The following TMEM165 variants were observed in gnomAD, a reference collection of about 807,000 sequenced individuals.
The protein encoded by TMEM165 is transmembrane protein 165.
Under a neutral mutation model 30.0 loss-of-function variants are expected in TMEM165, and 19 were observed. That is an observed-to-expected ratio of 0.63 (90% CI 0.44 to 0.93). The LOEUF (loss-of-function observed/expected upper bound fraction) is 0.93, where lower values mean the gene tolerates loss of function less well. Among genes scored for constraint, TMEM165 ranks in the 40% least tolerant of loss-of-function variants. The pLI is 0.00. For missense variants in TMEM165, 340 were observed against 417.0 expected (o/e 0.82, Z 1.61); for synonymous variants, 168 against 162.9 (o/e 1.03, Z -0.24).
At position 55,444,656 on chromosome 4, in the gene TMEM165, T is replaced by C. The variant is rs1723644360; in HGVS notation, c.409-7583T>C. ...ACCTGCAGCCCCTGACCATGGACCA[T>C]CTGAAGTTGTTCTTGAATTTTTCTT... On this transcript the variant is annotated intron_variant, in intron 3 of 3. Coordinates refer to the TMEM165 transcript ENST00000608091. 5.6e-6 allele frequency: 9 copies of C among 1,614,108 alleles called. No individual in the cohort carries two copies. In the East Asian group the frequency reaches 1.3e-4, roughly 24 times the overall value.
chr4:55,417,914 C>G lies in TMEM165; in HGVS notation c.721C>G (p.Leu241Val). ...HFISPIFVQA[L>V]TLTFLAEWGD... is the part of the protein sequence containing the mutation. ...TATTTCACCCATTTTTGTTCAAGCT[C>G]TTACATTAACATTCTTAGCAGAATG... Residue 241 changes from leucine to valine, a missense_variant, in exon 4 of 6, where the codon CTT becomes GTT. Physicochemically the swap from Leu to Val is conservative, Grantham distance 32. Transcript: ENST00000381334. 6.2e-7 allele frequency: 1 copy of G among 1,614,060 alleles called. No individual in the cohort carries two copies. The highest frequency in any genetic ancestry group is 8.5e-7 in the Non-Finnish European group (1 of 1,180,012).
At chr4:55,404,017 C>T (rs1721164527) in intron 1 of TMEM165, among the ~76,000 whole-genome samples, 3 of 141,246 alleles carry the variant, frequency 2.1e-5, no homozygotes, top group Non-Finnish European at 3.1e-5. Context: ...GTTTTCTTTC[C>T]TTCCTTCCTT....
intron 3 of TMEM165, among the ~76,000 whole-genome samples, chr4:55,448,588 G>GCACGCA (rs776897100): frequency 1.2e-5 from 1 of 80,084 alleles, no homozygotes; most frequent in African/African-American, 3.8e-5. Context: ...ATATGTGCGC[G>GCACGCA]CGCGCACGCG....
At chr4:55,443,037 T>TC (rs1345789505) in intron 3 of TMEM165, among the ~76,000 whole-genome samples, 1 of 152,054 alleles carries the variant, frequency 6.6e-6, no homozygotes. Flanking sequence ...TTATGCCCCC[T>TC]CCCCCAACAG....
At chr4:55,450,718 G>A (rs1460487358) in intron 3 of TMEM165, among the ~76,000 whole-genome samples, 2 of 151,744 alleles carry the variant, frequency 1.3e-5, no homozygotes, top group African/African-American at 2.4e-5. Context: ...GTAGTGAGCC[G>A]AGATCCTGCC....
chr4:55,429,907 G>A (rs1319471412), downstream of TMEM165: 1 of 152,180 alleles, frequency 6.6e-6, no homozygotes, highest in African/African-American at 2.4e-5. Flanking sequence ...AAGTAAAGTA[G>A]ATTCAGACTG....
intron 1 of TMEM165, among the ~76,000 whole-genome samples, chr4:55,405,898 C>A (rs1721250543): frequency 6.6e-6 from 1 of 152,228 alleles, no homozygotes; most frequent in African/African-American, 2.4e-5. Flanking sequence ...GTTTATCTTT[C>A]TCATCTTGCC....
chr4:55,396,141 C>T lies in TMEM165; in HGVS notation c.-49C>T. On this transcript the variant is annotated 5_prime_UTR_variant, in exon 1 of 6. Transcript: ENST00000381334. The stretch of plus-strand genomic sequence containing the variant: ...TGTTCGGGGTCGAGGCTTCCCGTCG[C>T]CGGCACTTCCTCTTGCGGCGCCCGT... The T allele has an allele frequency of 1.5e-6, 2 of 1,318,648 alleles. No homozygotes were observed. The highest frequency in any genetic ancestry group is 1.9e-6 in the Non-Finnish European group (2 of 1,044,106). 81.7% of individuals were successfully genotyped at this position (1,318,648 alleles called of 1,614,324 possible). A position where few individuals can be genotyped will look rare whatever the true frequency, so the allele number is the denominator to read the frequency against.
chr4:55,399,718 T>C (rs1486681918), intron 1 of TMEM165, among the ~76,000 whole-genome samples: 1 of 152,112 alleles, frequency 6.6e-6, no homozygotes, highest in Non-Finnish European at 1.5e-5. Flanking sequence ...TTCTTGTCTT[T>C]TAAAGTTTTA....
exon 4 of TMEM165, chr4:55,452,920 A>G: frequency 1.5e-6 from 1 of 657,570 alleles, no homozygotes; most frequent in Non-Finnish European, 2.6e-6. Flanking sequence ...AATAAGTAGT[A>G]AAGTATAATC....
chr4:55,408,136 A>G (rs1051166418), intron 1 of TMEM165, among the ~76,000 whole-genome samples: 16 of 152,234 alleles, frequency 1.1e-4, no homozygotes, highest in Non-Finnish European at 2.2e-4. Context: ...TTTTAATTAA[A>G]AAAGATCTTC....
exon 4 of TMEM165, chr4:55,453,137 T>C (rs200672436): frequency 2.6e-5 from 42 of 1,610,452 alleles, no homozygotes; most frequent in East Asian, 8.9e-5. Flanking sequence ...TAACTACAAA[T>C]GGAAAAAATA....
chr4:55,397,815 T>G (rs922962943), intron 1 of TMEM165, among the ~76,000 whole-genome samples: 2 of 152,094 alleles, frequency 1.3e-5, no homozygotes, highest in Non-Finnish European at 2.9e-5. Flanking sequence ...GGCCCCGTCT[T>G]GGCTCACTGC....
chr4:55,442,270 A>C, intron 3 of TMEM165: 1 of 682,182 alleles, frequency 1.5e-6, no homozygotes, highest in East Asian at 2.7e-5. Flanking sequence ...AAGTCTTTAA[A>C]CAATGAATAC....
chr4:55,411,828 C>T lies in TMEM165; in HGVS notation c.422C>T (p.Thr141Ile). The T allele has an allele frequency of 6.2e-7, 1 of 1,614,164 alleles. No homozygotes were observed. Among genetic ancestry groups the T allele is most frequent in the Non-Finnish European group, 8.5e-7 (1 of 1,180,020 alleles). ...GCAATGCTTGCCTTGGGACTAATGA[C>T]ATGCTTGTCAGGTGAGTGTGCTTTT... The part of the protein sequence containing the change: ...AGAMLALGLM[T>I]CLSVLFGYAT... The change falls in exon 2 of 6, where the codon ACA becomes ATA. Residue 141 changes from threonine (T) to isoleucine (I), a missense_variant. This residue lies in a region of TMEM165 where 220 missense variants were observed against 307.6 expected (regional missense o/e 0.72). Coordinates refer to ENST00000381334, the MANE Select transcript of TMEM165 (RefSeq NM_018475.5).
At chr4:55,437,274 C>A (rs911351651) in intron 3 of TMEM165, among the ~76,000 whole-genome samples, 1 of 152,082 alleles carries the variant, frequency 6.6e-6, no homozygotes, top group African/African-American at 2.4e-5. Flanking sequence ...ATAATCACAT[C>A]ACATGTTATA....
chr4:55,428,345 A>G (rs1295157809), downstream of TMEM165: 2 of 152,228 alleles, frequency 1.3e-5, no homozygotes, highest in Non-Finnish European at 2.9e-5. Context: ...TGGCAATATT[A>G]AATCGGTAAC....
chr4:55,429,180 G>A (rs936498210), downstream of TMEM165: 2 of 152,204 alleles, frequency 1.3e-5, no homozygotes, highest in African/African-American at 4.8e-5. Context: ...ATTTTTAAAA[G>A]CGATGTCACA....
chr4:55,441,926 A>G (rs1723405087), intron 3 of TMEM165, among the ~76,000 whole-genome samples: 1 of 152,202 alleles, frequency 6.6e-6, no homozygotes, highest in African/African-American at 2.4e-5. Context: ...TCATCACCTT[A>G]ACTAGCTATA....
Sources: allele counts gnomAD v4.1 joint callset (sites outside exome capture counted in the v4.1 genomes callset), GRCh38; gene constraint gnomAD v4.1.1; regional missense constraint gnomAD v4.1.1; transcripts MANE v1.5; gene names NCBI Gene and HGNC (gene_info 2026-07-23, HGNC 2026-07-21).